The following OPCML variants were observed in gnomAD, a reference collection of about 807,000 sequenced individuals.
The protein encoded by OPCML is opioid binding protein/cell adhesion molecule like.
OPCML carries 13 observed loss-of-function variants against 37.8 expected under a neutral mutation model. The ratio of observed to expected loss-of-function variants is 0.34; its 90% CI spans 0.22 to 0.55. The LOEUF is 0.55. Among genes scored for constraint, OPCML ranks in the 20% least tolerant of loss-of-function variants. The probability of loss-of-function intolerance (pLI) is 0.91; values close to 1 mark genes in which losing one functional copy is unlikely to be tolerated. For missense variants in OPCML, 341 were observed against 435.6 expected (o/e 0.78, Z 1.93); for synonymous variants, 176 against 168.8 (o/e 1.04, Z -0.33).
intron 2 of OPCML, among the ~76,000 whole-genome samples, chr11:132,807,248 G>A (rs549727613): frequency 6.6e-6 from 1 of 151,880 alleles, no homozygotes; most frequent in Non-Finnish European, 1.5e-5. Context: ...TTGGAAATAC[G>A]AATACAATTT....
intron 3 of OPCML, among the ~76,000 whole-genome samples, chr11:132,590,975 A>G (rs2096483430): frequency 1.3e-5 from 2 of 152,226 alleles, no homozygotes; most frequent in Admixed American, 6.5e-5. Flanking sequence ...AAGAACCAGT[A>G]TCTTCCAGAA....
chr11:133,420,563 T>A (rs1945866472), intron 1 of OPCML: 1 of 983,934 alleles, frequency 1.0e-6, no homozygotes, highest in Non-Finnish European at 1.2e-6. Flanking sequence ...ATTAACATGC[T>A]ATTTACTCCC....
At chr11:132,824,451 G>T (rs1940180759) in intron 2 of OPCML, among the ~76,000 whole-genome samples, 1 of 152,176 alleles carries the variant, frequency 6.6e-6, no homozygotes, top group Non-Finnish European at 1.5e-5. Flanking sequence ...TAACGGTACA[G>T]TTAGTCACAC....
chr11:133,349,698 C>T (rs1176990429), intron 1 of OPCML, among the ~76,000 whole-genome samples: 1 of 152,124 alleles, frequency 6.6e-6, no homozygotes. Flanking sequence ...CCACATTCCC[C>T]ACGGTGGATT....
In OPCML at chr11:133,208,422, G is replaced by C. The variant is rs1301592333; in HGVS notation, c.62-265412C>G. Among the ~76,000 whole-genome samples, 1 of 152,132 alleles carries C rather than the reference G, an allele frequency of 6.6e-6. No homozygotes were observed. The highest frequency in any genetic ancestry group is 1.5e-5 in the Non-Finnish European group (1 of 68,028). Reference sequence around the variant, plus strand: ...TTATAACTCTCTGGAGTTTACTCTGGGCGCAGGATGTGGTGCAGAGTAAAT... The same window carrying C: ...TTATAACTCTCTGGAGTTTACTCTGCGCGCAGGATGTGGTGCAGAGTAAAT... On this transcript the variant is annotated intron_variant, in intron 1 of 7. Transcript: ENST00000524381. The surrounding 1 kb of genome is among the most constrained non-coding windows in gnomAD (Gnocchi z 8.9).
chr11:132,673,178 C>A (rs1467244032), intron 2 of OPCML, among the ~76,000 whole-genome samples: 1 of 152,184 alleles, frequency 6.6e-6, no homozygotes. Context: ...TGGTATCGTC[C>A]TTCCTGACAC....
In OPCML at chr11:133,486,572, G is replaced by T. The variant is rs1010554297; in HGVS notation, c.61+45692C>A. Among the ~76,000 whole-genome samples the T allele has an allele frequency of 3.3e-5, 5 of 151,916 alleles. No individual in the cohort carries two copies. In the South Asian group the frequency reaches 8.3e-4, roughly 25 times the overall value. ...CTTCCTTTCCTCGACATCTATGTGG[G>T]ATTTCCTCAGAGCTCTCTTAGCAGC... On this transcript the variant is annotated intron_variant, in intron 1 of 7. Transcript: ENST00000524381.
chr11:132,987,080 C>G (rs1421386963), intron 1 of OPCML, among the ~76,000 whole-genome samples: 2 of 152,176 alleles, frequency 1.3e-5, no homozygotes, highest in Non-Finnish European at 2.9e-5. Context: ...TCTCCCTCTT[C>G]ACCTCTTCTT....
intron 1 of OPCML, among the ~76,000 whole-genome samples, chr11:133,320,632 A>G (rs369528623): frequency 9.5e-4 from 144 of 152,332 alleles, no homozygotes; most frequent in African/African-American, 3.3e-3. Flanking sequence ...GAAAGCTATC[A>G]TCCTTTTAAA....
At chr11:133,391,594 G>A (rs1264136261) in intron 1 of OPCML, among the ~76,000 whole-genome samples, 2 of 152,156 alleles carry the variant, frequency 1.3e-5, no homozygotes, top group South Asian at 2.1e-4. Flanking sequence ...AAAGCAGGAC[G>A]CGTTCCAAGC....
intron 2 of OPCML, among the ~76,000 whole-genome samples, chr11:132,781,357 T>G (rs1334525559): frequency 6.6e-6 from 1 of 151,982 alleles, no homozygotes; most frequent in African/African-American, 2.4e-5. Context: ...CCTAACTGCT[T>G]GAGCCGGGAC....
chr11:133,448,314 T>C (rs1946512075), intron 1 of OPCML, among the ~76,000 whole-genome samples: 1 of 152,238 alleles, frequency 6.6e-6, no homozygotes, highest in African/African-American at 2.4e-5. Flanking sequence ...TTAAATTGCC[T>C]TGGTACCTTT....
chr11:133,267,009 A>G (rs1021455739), intron 1 of OPCML, among the ~76,000 whole-genome samples: 1 of 152,160 alleles, frequency 6.6e-6, no homozygotes. Flanking sequence ...TACATCTCCT[A>G]TGTTGTCTAT....
chr11:133,176,731 C>T lies in OPCML; in HGVS notation c.62-233721G>A, dbSNP rs372658031. The stretch of plus-strand genomic sequence containing the variant: ...ATGCTTCCTGTACAGCCTGCAGAAC[C>T]GTGAGCCAATTAAGCATCTTTTCTT... On this transcript the variant is annotated intron_variant, in intron 1 of 7. Coordinates refer to ENST00000524381, the MANE Select transcript of OPCML (RefSeq NM_001012393.5). Among the ~76,000 whole-genome samples, 28 of 152,292 alleles carry T rather than the reference C, an allele frequency of 1.8e-4. No homozygotes were observed. The South Asian group carries it at 5.0e-3, about 27-fold the overall frequency.
intron 1 of OPCML, among the ~76,000 whole-genome samples, chr11:133,223,070 A>T (rs1037814860): frequency 7.2e-5 from 11 of 152,234 alleles, no homozygotes; most frequent in Non-Finnish European, 4.4e-5. Context: ...CACCCCAACC[A>T]GTTCAGCCAA....
At chr11:133,446,487 T>C (rs1242476314) in intron 1 of OPCML, among the ~76,000 whole-genome samples, 2 of 152,144 alleles carry the variant, frequency 1.3e-5, no homozygotes, top group Admixed American at 6.5e-5. Flanking sequence ...TGTGGTGGTG[T>C]AGTCATAGCT....
intron 1 of OPCML, among the ~76,000 whole-genome samples, chr11:133,053,499 G>A (rs1948168282): frequency 6.6e-6 from 1 of 152,130 alleles, no homozygotes; most frequent in Admixed American, 6.6e-5. Context: ...ACTCCAGTCA[G>A]GCTCTGTTCC....
intron 2 of OPCML, among the ~76,000 whole-genome samples, chr11:132,733,277 G>C (rs892104922): frequency 2.0e-5 from 3 of 152,010 alleles, no homozygotes; most frequent in Non-Finnish European, 4.4e-5. Flanking sequence ...GCAGTAAGAA[G>C]GCGAAGGGAG....
chr11:132,549,919 A>T lies in OPCML; in HGVS notation c.380-20733T>A, dbSNP rs112073231. Among the ~76,000 whole-genome samples the T allele has an allele frequency of 7.2e-3, 1,089 of 151,842 alleles. 20 individuals carry two copies. Among genetic ancestry groups the T allele is most frequent in the African/African-American group, 0.024 (1,013 of 41,370 alleles). On this transcript the variant is annotated intron_variant, in intron 3 of 7. Transcript: ENST00000524381. ...ACCTGCTGGCCCTTTCAGCTCAGAG[A>T]CCCCCTTCTCCTAAGTGCCTCCTGT... is the stretch of plus-strand genomic sequence containing the variant.
Sources: gnomAD v4.1 joint callset for allele counts (sites outside exome capture counted in the v4.1 genomes callset) on GRCh38, gnomAD v4.1.1 for gene constraint, Gnocchi (gnomAD v3.1) non-coding constraint, MANE v1.5 for transcripts, NCBI Gene and HGNC (gene_info 2026-07-23, HGNC 2026-07-21) for gene names.